TAGAP: variants seen among roughly 807,000 people sequenced by gnomAD.
TAGAP encodes the protein T cell activation RhoGTPase activating protein.
TAGAP carries 16 observed loss-of-function variants against 36.0 expected under a neutral mutation model. The observed-to-expected ratio is 0.44, with a 90% confidence interval of 0.30 to 0.68. The LOEUF (loss-of-function observed/expected upper bound fraction) is 0.68. TAGAP is among the 30% of genes least tolerant of loss of function. The probability of loss-of-function intolerance (pLI) is 0.09; values close to 1 mark genes in which losing one functional copy is unlikely to be tolerated. For synonymous variants in TAGAP, 372 were observed against 377.4 expected (o/e 0.99, Z 0.17); for missense variants, 794 against 921.5 (o/e 0.86, Z 1.79).
chr6:159,042,159 C>T lies in TAGAP; in HGVS notation c.234G>A (p.Glu78=). Residue 78 remains glutamate (E), a synonymous_variant, in exon 5 of 10, where the codon GAG becomes GAA. Coordinates refer to ENST00000367066, the MANE Select transcript of TAGAP (RefSeq NM_054114.5). ...SPASDFSGAL[E]TDLKASLFDQ... ...CAAATAGCGATGCTTTCAAGTCTGT[C>T]TCCAAAGCCCCAGAAAAATCTGATG... 1.9e-6 allele frequency: 3 copies of T among 1,614,212 alleles called. No individual in the cohort carries two copies. The highest frequency in any genetic ancestry group is 1.7e-4 in the Middle Eastern group (1 of 6,060).
chr6:159,036,148 C>T lies in TAGAP; in HGVS notation c.1875G>A (p.Ala625=), dbSNP rs377008080. Residue 625 remains alanine, a synonymous_variant, in exon 10 of 10, where the codon GCG becomes GCA. Coordinates refer to ENST00000367066, the MANE Select transcript of TAGAP (RefSeq NM_054114.5). The surrounding 1 kb of genome is among the most constrained non-coding windows in gnomAD (Gnocchi z 4.9). ...GGAGGCAGTGCGCCTCCAGCATCCT[C>T]GCCCTCATGCTCCCCACCGTCATGC... ...VGSMTVGSMR[A]RMLEAHCLLP... 5 of 1,613,274 alleles carry T rather than the reference C, an allele frequency of 3.1e-6. No homozygotes were observed. The highest frequency in any genetic ancestry group is 3.3e-5 in the Admixed American group (2 of 60,004).
rs373022207 is a variant in TAGAP, at chr6:159,036,676, C to T, written c.1347G>A (p.Ser449=). The T allele has an allele frequency of 3.0e-5, 49 of 1,613,946 alleles. No individual in the cohort carries two copies. In the African/African-American group the frequency reaches 3.5e-4, roughly 11 times the overall value. The change falls in exon 10 of 10, where the codon TCG becomes TCA. Residue 449 remains serine, a synonymous_variant. Transcript: ENST00000367066. This position sits in a 1 kb window ranked among gnomAD's most constrained non-coding sequence, Gnocchi z 4.9. The part of the protein sequence containing the change: ...DLKIKNLAPG[S]VLPRALVLKA... ...TGAGAACCAGTGCCCGCGGGAGCAC[C>T]GAACCCGGGGCCAAGTTCTTGATCT...
rs778401093 is a variant in TAGAP, at chr6:159,036,904, A to G, written c.1119T>C (p.Asp373=). The G allele has an allele frequency of 6.2e-6, 10 of 1,613,906 alleles. No homozygotes were observed. The highest frequency in any genetic ancestry group is 1.3e-5 in the African/African-American group (1 of 74,870). Residue 373 remains aspartate, a synonymous_variant, in exon 10 of 10, where the codon GAT becomes GAC. Coordinates refer to ENST00000367066, the MANE Select transcript of TAGAP (RefSeq NM_054114.5). This position sits in a 1 kb window ranked among gnomAD's most constrained non-coding sequence, Gnocchi z 4.9. The part of the protein sequence containing the change: ...ARLKSSLAQP[D]RRYSEPSMPS... ...GCATGCTGGGCTCTGAGTATCTCCT[A>G]TCGGGCTGTGCGAGGGAGCTTTTCA...
In TAGAP at chr6:159,043,487, T is replaced by A; in HGVS notation, c.148+102A>T. 4.7e-6 allele frequency: 5 copies of A among 1,066,194 alleles called. No individual in the cohort carries two copies. The South Asian group carries it at 6.4e-5, about 14-fold the overall frequency. The allele number at this position is 1,066,194 out of a possible 1,614,324, so 66.0% of individuals were successfully genotyped here. ...CTGCGGTCTTTAACAGAACAACTTA[T>A]ACAAAAAAATTCCTAGTAGAGTAAA... is the stretch of plus-strand genomic sequence containing the variant. On this transcript the variant is annotated intron_variant, in intron 4 of 9. Coordinates refer to ENST00000367066, the MANE Select transcript of TAGAP (RefSeq NM_054114.5).
At chr6:159,042,040 GA>G in intron 5 of TAGAP, 37 bp downstream of exon 5, 4 of 1,581,560 alleles carry the variant, frequency 2.5e-6, no homozygotes, top group Non-Finnish European at 3.4e-6. Context: ...ATGTCCAACT[GA>G]AAACTGAAGT....
intron 9 of TAGAP, 113 bp downstream of exon 9, chr6:159,038,001 C>T: frequency 2.9e-6 from 2 of 701,554 alleles, no homozygotes; most frequent in South Asian, 1.8e-5. Context: ...TAGTCTGACT[C>T]GGTGATTTGT....
Position 159,038,941 on chromosome 6 carries a change from A to G in TAGAP, c.783+173T>C, listed in dbSNP as rs1779654776. On this transcript the variant is annotated intron_variant, in intron 8 of 9. Coordinates refer to ENST00000367066, the MANE Select transcript of TAGAP (RefSeq NM_054114.5). Reference sequence around the variant, plus strand: ...AGAAGACACGGATTTATTCAGTTTCATTAGATACATGTATCTGAGAGAGTG... The same window carrying G: ...AGAAGACACGGATTTATTCAGTTTCGTTAGATACATGTATCTGAGAGAGTG... 3.5e-6 allele frequency: 5 copies of G among 1,448,536 alleles called. No homozygotes were observed. In the South Asian group the frequency reaches 4.3e-5, roughly 12 times the overall value. 89.7% of individuals were successfully genotyped at this position (1,448,536 alleles called of 1,614,324 possible).
In TAGAP at chr6:159,043,966, T is replaced by G; in HGVS notation, c.81+12A>C. 1 of 1,611,160 alleles carries G rather than the reference T, an allele frequency of 6.2e-7. No homozygotes were observed. The highest frequency in any genetic ancestry group is 8.5e-7 in the Non-Finnish European group (1 of 1,178,216). On this transcript the variant is annotated intron_variant, in intron 3 of 9. Coordinates refer to ENST00000367066, the MANE Select transcript of TAGAP (RefSeq NM_054114.5). ...CAGTACAGATAAAAAGTCTTAAAAA[T>G]TGCTTTCTTACCTCTGATTGACATT...
At position 159,035,963 on chromosome 6, in the gene TAGAP, C is replaced by G. The variant is rs764341891; in HGVS notation, c.2060G>C (p.Gly687Ala). ...GDSLGHVSGP[G>A]RPELLPLRTV... ...CCTCAGCGGGAGGAGCTCAGGTCTC[C>G]CTGGGCCAGACACGTGCCCCAGAGA... Residue 687 changes from glycine (G) to alanine (A), a missense_variant, in exon 10 of 10, where the codon GGG (glycine) becomes GCG (alanine). By Grantham distance (60) the Gly-to-Ala change is moderately conservative. Transcript: ENST00000367066. The G allele has an allele frequency of 1.2e-6, 2 of 1,614,130 alleles. No homozygotes were observed. Among genetic ancestry groups the G allele is most frequent in the Non-Finnish European group, 1.7e-6 (2 of 1,179,998 alleles).
chr6:159,038,265 C>CTTTTTTTTTTT, intron 8 of TAGAP, 37 bp from the exon 9 acceptor site: 1 of 458,508 alleles, frequency 2.2e-6, no homozygotes, highest in South Asian at 2.5e-5. Flanking sequence ...AGCTTGAAGA[C>CTTTTTTTTTTT]TTTTTTTTTT....
chr6:159,036,915 C>T lies in TAGAP; in HGVS notation c.1108G>A (p.Ala370Thr), dbSNP rs773091324. ...STVARLKSSLAQPDRRYSEPS... is the reference protein window; with the variant it reads ...STVARLKSSLTQPDRRYSEPS... ...TCTGAGTATCTCCTATCGGGCTGTGCGAGGGAGCTTTTCAGCCTGGCCACG... is the reference window on the plus strand; with the variant it reads ...TCTGAGTATCTCCTATCGGGCTGTGTGAGGGAGCTTTTCAGCCTGGCCACG... Residue 370 changes from alanine to threonine, a missense_variant, in exon 10 of 10, where the codon GCA becomes ACA. Ala to Thr is a moderately conservative substitution (Grantham distance 58). Transcript: ENST00000367066. This position sits in a 1 kb window ranked among gnomAD's most constrained non-coding sequence, Gnocchi z 4.9. The T allele has an allele frequency of 5.6e-6, 9 of 1,613,858 alleles. No homozygotes were observed. Among genetic ancestry groups the T allele is most frequent in the East Asian group, 2.2e-5 (1 of 44,862 alleles).
rs1412008977 is a variant in TAGAP, at chr6:159,039,305, C to T, written c.592G>A (p.Ala198Thr). The T allele has an allele frequency of 6.2e-6, 10 of 1,612,330 alleles. No homozygotes were observed. The highest frequency in any genetic ancestry group is 8.5e-6 in the Non-Finnish European group (10 of 1,179,480). ...AGGTTGGGCCGGGGGAGCTTATCTGCAACCCTGGAATAAAGTGAAGGGATG... is the reference window on the plus strand; with the variant it reads ...AGGTTGGGCCGGGGGAGCTTATCTGTAACCCTGGAATAAAGTGAAGGGATG... ...EDRIEALKQV[A>T]DKLPRPNLLL... The change falls in exon 8 of 10, where the codon GCA (alanine) becomes ACA (threonine). Residue 198 changes from alanine to threonine, a missense_variant. Transcript: ENST00000367066.
rs1779500023 is a variant in TAGAP, at chr6:159,035,634, T to C, written c.*193A>G. On this transcript the variant is annotated 3_prime_UTR_variant, in exon 10 of 10. Coordinates refer to ENST00000367066, the MANE Select transcript of TAGAP (RefSeq NM_054114.5). The stretch of plus-strand genomic sequence containing the variant: ...AATACATTTGATACATTTTTACATA[T>C]TGCACAAATCCAGGTACACAGAGAC... 1.8e-6 allele frequency: 1 copy of C among 556,654 alleles called. No homozygotes were observed. Among genetic ancestry groups the C allele is most frequent in the Non-Finnish European group, 3.2e-6 (1 of 316,788 alleles). The allele number at this position is 556,654 out of a possible 1,614,324, so 34.5% of individuals were successfully genotyped here.
chr6:159,035,687 G>C lies in TAGAP; in HGVS notation c.*140C>G. 1 of 770,832 alleles carries C rather than the reference G, an allele frequency of 1.3e-6. No homozygotes were observed. Among genetic ancestry groups the C allele is most frequent in the Admixed American group, 2.9e-5 (1 of 34,108 alleles). 47.7% of individuals were successfully genotyped at this position (770,832 alleles called of 1,614,324 possible). A position where few individuals can be genotyped will look rare whatever the true frequency, so the allele number is the denominator to read the frequency against. On this transcript the variant is annotated 3_prime_UTR_variant, in exon 10 of 10. Transcript: ENST00000367066. ...TCTGATGCGCCATGGCCATGGTGTA[G>C]CTATCCTCACTGAGGAGGGCTTTCC...
At chr6:159,044,361 A>T (rs1779860283) in intron 1 of TAGAP, among the ~76,000 whole-genome samples, 157 bp from the exon 2 acceptor site, 2 of 152,232 alleles carry the variant, frequency 1.3e-5, no homozygotes, top group Non-Finnish European at 2.9e-5. Flanking sequence ...TATTACATAG[A>T]CAAGTTTTCA....
In TAGAP at chr6:159,037,046, C is replaced by T. The variant is rs1330729801; in HGVS notation, c.977G>A (p.Ser326Asn). The change falls in exon 10 of 10, where the codon AGC becomes AAC. Residue 326 changes from serine (S) to asparagine (N), a missense_variant. Ser to Asn is a conservative substitution (Grantham distance 46). Coordinates refer to ENST00000367066, the MANE Select transcript of TAGAP (RefSeq NM_054114.5). The surrounding 1 kb of genome is among the most constrained non-coding windows in gnomAD (Gnocchi z 5.1). Reference protein sequence around the residue: ...DVESNSSSGISSPSRQPQVPM... With the variant: ...DVESNSSSGINSPSRQPQVPM... ...CACCTGGGGCTGCCTGCTGGGAGAG[C>T]TGATGCCACTGCTGCTGTTGGATTC... is the stretch of plus-strand genomic sequence containing the variant. The T allele has an allele frequency of 6.2e-7, 1 of 1,613,218 alleles. No individual in the cohort carries two copies. The highest frequency in any genetic ancestry group is 8.5e-7 in the Non-Finnish European group (1 of 1,180,034).
intron 7 of TAGAP, among the ~76,000 whole-genome samples, chr6:159,039,668 CTT>C (rs891895472): frequency 7.9e-5 from 12 of 152,170 alleles, no homozygotes; most frequent in African/African-American, 2.9e-4. Context: ...TGTAGAATTT[CTT>C]TCTGTTTCTA....
chr6:159,035,463 G>T lies in TAGAP; in HGVS notation c.*364C>A. On this transcript the variant is annotated 3_prime_UTR_variant, in exon 10 of 10. Coordinates refer to ENST00000367066, the MANE Select transcript of TAGAP (RefSeq NM_054114.5). ...TGTGAAAATTGGCATGACATTTGAG[G>T]CCACATTAAAAAAGCGAAGATAATT... 5.9e-6 allele frequency: 1 copy of T among 168,776 alleles called. No homozygotes were observed. Among genetic ancestry groups the T allele is most frequent in the Non-Finnish European group, 1.3e-5 (1 of 78,112 alleles). 10.5% of individuals were successfully genotyped at this position (168,776 alleles called of 1,614,324 possible).
intron 7 of TAGAP, 83 bp downstream of exon 7, chr6:159,040,640 A>G (rs1424441915): frequency 2.6e-6 from 3 of 1,136,194 alleles, no homozygotes; most frequent in African/African-American, 3.0e-5. Context: ...AACAGGGATC[A>G]TGAAGCATTT....
Sources: allele counts gnomAD v4.1 joint callset (sites outside exome capture counted in the v4.1 genomes callset), GRCh38; gene constraint gnomAD v4.1.1; non-coding constraint Gnocchi (gnomAD v3.1); transcripts MANE v1.5; gene names NCBI Gene and HGNC (gene_info 2026-07-23, HGNC 2026-07-21).